The following SCP2 variants were observed in gnomAD, a reference collection of about 807,000 sequenced individuals.
SCP2 encodes SCP-2/3-oxoacyl-CoA thiolase.
In SCP2, 48 loss-of-function variants were observed where a neutral mutation model predicts 71.4. The ratio of observed to expected loss-of-function variants is 0.67; its 90% CI spans 0.53 to 0.86. The LOEUF (loss-of-function observed/expected upper bound fraction) is 0.86. Among genes scored for constraint, SCP2 ranks in the 40% least tolerant of loss-of-function variants. SCP2 has a pLI of 0.00. For synonymous variants in SCP2, 220 were observed against 218.1 expected, an observed-to-expected ratio of 1.01 and a Z score of -0.08; for missense variants, 560 against 655.6, an observed-to-expected ratio of 0.85 and a Z score of 1.59.
intron 6 of SCP2, among the ~76,000 whole-genome samples, chr1:52,961,895 C>T (rs1656493775): frequency 6.6e-6 from 1 of 151,844 alleles, no homozygotes; most frequent in Non-Finnish European, 1.5e-5. Context: ...CTCCTTTAAT[C>T]ATGGACTATA....
chr1:52,971,102 A>G (rs1267555821), intron 6 of SCP2, among the ~76,000 whole-genome samples: 1 of 150,176 alleles, frequency 6.7e-6, no homozygotes, highest in Non-Finnish European at 1.5e-5. Flanking sequence ...CAGCCTCCCG[A>G]GTAGCTGGGA....
intron 2 of SCP2, chr1:52,943,437 T>C (rs1403592000): frequency 1.2e-5 from 2 of 169,948 alleles, no homozygotes; most frequent in African/African-American, 4.8e-5. Flanking sequence ...TTGGCCAGGC[T>C]GGTCTCAAAC....
At chr1:52,977,049 C>T (rs932370426) in intron 8 of SCP2, among the ~76,000 whole-genome samples, 2 of 152,180 alleles carry the variant, frequency 1.3e-5, no homozygotes, top group Non-Finnish European at 2.9e-5. Context: ...TAAACTGTGG[C>T]TTGGGGGCCA....
intron 6 of SCP2, among the ~76,000 whole-genome samples, chr1:52,972,893 A>G (rs190988775): frequency 6.6e-6 from 1 of 152,350 alleles, no homozygotes; most frequent in Admixed American, 6.5e-5. Context: ...GTCACATCAC[A>G]CTATGAAATC....
Position 52,994,547 on chromosome 1 carries a change from A to G in SCP2, c.1081+6411A>G, listed in dbSNP as rs1659786907. On this transcript the variant is annotated intron_variant, in intron 11 of 15. Coordinates refer to ENST00000371514, the MANE Select transcript of SCP2 (RefSeq NM_002979.5). ...AAAATTTAGATCTAATTTTTATACA[A>G]TAAAATGCACAGTTCTGCCTCTCAG... 1.8e-5 allele frequency: 4 copies of G among 221,382 alleles called. No individual in the cohort carries two copies. In the South Asian group the frequency reaches 4.2e-4, roughly 23 times the overall value. The allele number at this position is 221,382 out of a possible 1,614,324, so 13.7% of individuals were successfully genotyped here. A position where few individuals can be genotyped will look rare whatever the true frequency, so the allele number is the denominator to read the frequency against.
intron 5 of SCP2, among the ~76,000 whole-genome samples, chr1:52,958,342 T>A (rs1047286689): frequency 1.3e-5 from 2 of 151,932 alleles, no homozygotes; most frequent in Admixed American, 6.6e-5. Flanking sequence ...GCGATTCTCC[T>A]GCTTCAACCT....
intron 1 of SCP2, among the ~76,000 whole-genome samples, chr1:52,935,576 C>A (rs552679303): frequency 7.5e-6 from 1 of 132,876 alleles, no homozygotes; most frequent in Non-Finnish European, 1.6e-5. Context: ...AGCCACAGTG[C>A]GAGACTCAGT....
At chr1:52,980,342 T>G in intron 9 of SCP2, 54 bp from the exon 10 acceptor site, 3 of 1,528,528 alleles carry the variant, frequency 2.0e-6, no homozygotes, top group Non-Finnish European at 2.7e-6. Context: ...TTAAAATACT[T>G]GTTTAAAAGG....
At chr1:52,933,206 C>G (rs1163306567) in intron 1 of SCP2, among the ~76,000 whole-genome samples, 2 of 152,052 alleles carry the variant, frequency 1.3e-5, no homozygotes, top group African/African-American at 4.8e-5. Flanking sequence ...TGAGTGATGC[C>G]GAAAGGATTC....
At chr1:52,950,378 C>T (rs1655183044) in intron 3 of SCP2, among the ~76,000 whole-genome samples, 2 of 152,154 alleles carry the variant, frequency 1.3e-5, no homozygotes, top group South Asian at 4.1e-4. Context: ...CCTCGGCCTC[C>T]CAAAGTGTTG....
chr1:53,019,950 A>G (rs1661600558), intron 12 of SCP2, among the ~76,000 whole-genome samples: 1 of 152,168 alleles, frequency 6.6e-6, no homozygotes, highest in African/African-American at 2.4e-5. Context: ...GCAGTAGCAC[A>G]TTCTCAGCTC....
chr1:53,008,358 A>T (rs1660767007), intron 11 of SCP2, among the ~76,000 whole-genome samples: 1 of 152,256 alleles, frequency 6.6e-6, no homozygotes, highest in Non-Finnish European at 1.5e-5. Context: ...ATCCCTGATG[A>T]ACATTGATGC....
intron 12 of SCP2, among the ~76,000 whole-genome samples, chr1:53,020,290 A>C (rs1271134231): frequency 6.6e-6 from 1 of 152,200 alleles, no homozygotes; most frequent in Non-Finnish European, 1.5e-5. Context: ...TTTAGAAAAT[A>C]CTGAAAATAT....
At chr1:52,976,468 C>T (rs55642715) in intron 7 of SCP2, among the ~76,000 whole-genome samples, 289 of 152,222 alleles carry the variant, frequency 1.9e-3, no homozygotes, top group Middle Eastern at 0.014. Flanking sequence ...AAGCCAGGAA[C>T]CCAGGACAAA....
chr1:52,951,097 T>C (rs191241723), intron 4 of SCP2, among the ~76,000 whole-genome samples: 10 of 151,864 alleles, frequency 6.6e-5, no homozygotes, highest in African/African-American at 2.4e-4. Context: ...CTCTGGGCAA[T>C]GTAACAAAAC....
intron 10 of SCP2, among the ~76,000 whole-genome samples, chr1:52,983,966 A>T (rs150982365): frequency 3.2e-4 from 48 of 152,318 alleles, no homozygotes; most frequent in African/African-American, 1.1e-3. Flanking sequence ...GTATGTTCTG[A>T]CAATAAGTTC....
chr1:53,045,344 C>CT (rs1373427632), intron 14 of SCP2, among the ~76,000 whole-genome samples: 5 of 151,900 alleles, frequency 3.3e-5, no homozygotes, highest in Non-Finnish European at 5.9e-5. Flanking sequence ...TTAGGTCTGG[C>CT]TTTTTTTTGT....
In SCP2 at chr1:53,028,038, T is replaced by G; in HGVS notation, c.1305T>G (p.Leu435=). 1 of 1,609,072 alleles carries G rather than the reference T, an allele frequency of 6.2e-7. No individual in the cohort carries two copies. The highest frequency in any genetic ancestry group is 8.5e-7 in the Non-Finnish European group (1 of 1,175,502). ...CAAGTGATGGATTTAAGGCAAATCT[T>G]GTTTTTAAGGAGATTGAGAAGAAAC... The part of the protein sequence containing the change: ...SSASDGFKAN[L]VFKEIEKKLE... Residue 435 remains leucine, a synonymous_variant, in exon 13 of 16, where the codon CTT becomes CTG. Coordinates refer to ENST00000371514, the MANE Select transcript of SCP2 (RefSeq NM_002979.5).
intron 1 of SCP2, among the ~76,000 whole-genome samples, chr1:52,929,475 T>G (rs1442179363): frequency 1.3e-5 from 2 of 152,074 alleles, no homozygotes; most frequent in Non-Finnish European, 2.9e-5. Context: ...AGACAGAGTC[T>G]CACTCTGTCC....
Sources: allele counts gnomAD v4.1 joint callset (sites outside exome capture counted in the v4.1 genomes callset), GRCh38; gene constraint gnomAD v4.1.1; transcripts MANE v1.5; gene names NCBI Gene and HGNC (gene_info 2026-07-23, HGNC 2026-07-21).